SRP19: variants seen among roughly 807,000 people sequenced by gnomAD.
SRP19 encodes signal recognition particle 19.
A neutral mutation model predicts 22.4 loss-of-function variants in SRP19; 11 were observed. The ratio of observed to expected loss-of-function variants is 0.49; its 90% CI spans 0.31 to 0.81. The LOEUF is 0.81. Among genes scored for constraint, SRP19 ranks in the 40% least tolerant of loss-of-function variants. SRP19 has a pLI of 0.05. For synonymous variants in SRP19, 61 were observed against 57.6 expected (o/e 1.06, Z -0.27); for missense variants, 168 against 175.9 (o/e 0.96, Z 0.25).
Position 112,869,050 on chromosome 5 carries a change from G to A in SRP19, c.*1513G>A, listed in dbSNP as rs978132522. ...TTCTTTGAGAAAGTGGGTGTGTTTG[G>A]CTGTGTAACAAAACAATAAGGGGAT... On this transcript the variant is annotated 3_prime_UTR_variant, in exon 5 of 5. Coordinates refer to ENST00000505459, the MANE Select transcript of SRP19 (RefSeq NM_003135.3). 11 of 152,124 alleles carry A rather than the reference G, an allele frequency of 7.2e-5. No homozygotes were observed. The highest frequency in any genetic ancestry group is 2.4e-4 in the African/African-American group (10 of 41,414). The allele number at this position is 152,124 out of a possible 1,614,324, so 9.4% of individuals were successfully genotyped here.
chr5:112,882,607 A>G (rs553525567), intron 4 of SRP19, among the ~76,000 whole-genome samples: 1 of 152,332 alleles, frequency 6.6e-6, no homozygotes, highest in Non-Finnish European at 1.5e-5. Context: ...ACTGCCTGAC[A>G]GTCCATTTAC....
At chr5:112,866,729 G>GT (rs1276100991) in intron 4 of SRP19, among the ~76,000 whole-genome samples, 4 of 152,180 alleles carry the variant, frequency 2.6e-5, no homozygotes, top group Non-Finnish European at 4.4e-5. Flanking sequence ...ATTCTGATAT[G>GT]TTTTTTCTCC....
downstream of SRP19, among the ~76,000 whole-genome samples, chr5:112,873,723 AATTT>A (rs1354402322): frequency 6.6e-6 from 1 of 152,044 alleles, no homozygotes; most frequent in Non-Finnish European, 1.5e-5. Context: ...TCATGGATGT[AATTT>A]ATTTCTCAGA....
chr5:112,863,356 A>C (rs1435070329), intron 2 of SRP19, among the ~76,000 whole-genome samples: 2 of 152,128 alleles, frequency 1.3e-5, no homozygotes, highest in Admixed American at 6.5e-5. Flanking sequence ...ATTGCTCTAT[A>C]ACAGGGTTTG....
In SRP19 at chr5:112,869,710, GATA is replaced by G. The variant is rs1767715312; in HGVS notation, c.*2176_*2178del. On this transcript the variant is annotated 3_prime_UTR_variant, in exon 5 of 5. Coordinates refer to ENST00000505459, the MANE Select transcript of SRP19 (RefSeq NM_003135.3). ...GCAATTTCCCCTGTGCTGTTCTTGA[GATA>G]ATGAGTGACTCTCAGGAGATCTGTT... is the stretch of plus-strand genomic sequence containing the variant. 6.6e-6 allele frequency: 1 copy of G among 152,180 alleles called. No homozygotes were observed. Among genetic ancestry groups the G allele is most frequent in the Admixed American group, 6.5e-5 (1 of 15,270 alleles). 9.4% of individuals were successfully genotyped at this position (152,180 alleles called of 1,614,324 possible). A position where few individuals can be genotyped will look rare whatever the true frequency, so the allele number is the denominator to read the frequency against.
chr5:112,879,584 C>T (rs891241041), intron 4 of SRP19, among the ~76,000 whole-genome samples: 1 of 152,140 alleles, frequency 6.6e-6, no homozygotes, highest in Non-Finnish European at 1.5e-5. Flanking sequence ...TGCCATTCTC[C>T]TGCCTCAGCC....
chr5:112,892,064 A>T, exon 5 of SRP19: 3 of 1,570,608 alleles, frequency 1.9e-6, no homozygotes. Flanking sequence ...GAAGCTGTGC[A>T]GAAGATGCTG....
At chr5:112,866,782 C>A (rs2150027212) in intron 4 of SRP19, among the ~76,000 whole-genome samples, 1 of 152,228 alleles carries the variant, frequency 6.6e-6, no homozygotes, top group South Asian at 2.1e-4. Flanking sequence ...CAAAAACAAA[C>A]AAAAACTTGT....
intron 4 of SRP19, chr5:112,882,132 C>G (rs12152991): frequency 0.066 from 10,095 of 153,610 alleles, 402 homozygotes; most frequent in South Asian, 0.14. Context: ...TGATGATCTT[C>G]TAATATCCTG....
intron 4 of SRP19, among the ~76,000 whole-genome samples, chr5:112,881,101 C>T (rs1768061097): frequency 8.0e-6 from 1 of 125,268 alleles, no homozygotes; most frequent in Non-Finnish European, 1.6e-5. Context: ...TGCACTCCAG[C>T]CTGGGCAACA....
downstream of SRP19, chr5:112,897,705 C>T (rs1768732935): frequency 6.6e-6 from 1 of 152,142 alleles, no homozygotes; most frequent in African/African-American, 2.4e-5. Flanking sequence ...ATCTTATCAG[C>T]TGCTTTAGAA....
downstream of SRP19, chr5:112,897,351 TCACACACACACACACACACACA>T (rs34612314): frequency 1.0e-5 from 1 of 97,790 alleles, no homozygotes; most frequent in Non-Finnish European, 2.1e-5. Context: ...ACACATCCCA[TCACACACACACACACACACACA>T]CACACACACA....
downstream of SRP19, among the ~76,000 whole-genome samples, chr5:112,873,345 CTTTTT>C (rs71626678): frequency 1.7e-5 from 1 of 58,998 alleles, no homozygotes; most frequent in Non-Finnish European, 2.9e-5. Context: ...CTTTCCTATT[CTTTTT>C]TTTTTTTTTT....
chr5:112,876,302 AT>A (rs776801052), intron 4 of SRP19: 1 of 152,242 alleles, frequency 6.6e-6, no homozygotes, highest in Non-Finnish European at 1.5e-5. Flanking sequence ...TTCATGGCTC[AT>A]TTATCTGTAT....
chr5:112,883,908 CCCAATCCATAA>C (rs1768151472), intron 4 of SRP19, among the ~76,000 whole-genome samples: 3 of 152,116 alleles, frequency 2.0e-5, no homozygotes, highest in African/African-American at 7.2e-5. Flanking sequence ...CTGACCCATG[CCCAATCCATAA>C]GCCAATCCAT....
Position 112,868,039 on chromosome 5 carries a change from G to T in SRP19, c.*502G>T. On this transcript the variant is annotated 3_prime_UTR_variant, in exon 5 of 5. Coordinates refer to ENST00000505459, the MANE Select transcript of SRP19 (RefSeq NM_003135.3). ...GTGGTAGGTCCTTTTGTGGGTGGGGGACAGGGGAGTCTGTAAAAAGCCAGT... is the reference window on the plus strand; with the variant it reads ...GTGGTAGGTCCTTTTGTGGGTGGGGTACAGGGGAGTCTGTAAAAAGCCAGT... 1.0e-6 allele frequency: 1 copy of T among 985,764 alleles called. No individual in the cohort carries two copies. The highest frequency in any genetic ancestry group is 1.7e-5 in the African/African-American group (1 of 57,320). 61.1% of individuals were successfully genotyped at this position (985,764 alleles called of 1,614,324 possible).
At chr5:112,888,733 G>A (rs1768340758) in intron 4 of SRP19, among the ~76,000 whole-genome samples, 1 of 150,932 alleles carries the variant, frequency 6.6e-6, no homozygotes, top group Non-Finnish European at 1.5e-5. Flanking sequence ...TTTTAAGACA[G>A]AGACTTGCTA....
chr5:112,886,523 G>C (rs1025769043), intron 4 of SRP19, among the ~76,000 whole-genome samples: 2 of 152,130 alleles, frequency 1.3e-5, no homozygotes, highest in African/African-American at 2.4e-5. Flanking sequence ...ACATACCTGA[G>C]GGGGCTCTTT....
downstream of SRP19, chr5:112,896,245 C>T (rs1768677188): frequency 6.5e-6 from 1 of 152,676 alleles, no homozygotes; most frequent in Non-Finnish European, 1.5e-5. Flanking sequence ...TGTTGCGAGG[C>T]ACAGTGGCTT....
Sources: allele counts gnomAD v4.1 joint callset (sites outside exome capture counted in the v4.1 genomes callset), GRCh38; gene constraint gnomAD v4.1.1; transcripts MANE v1.5; gene names NCBI Gene and HGNC (gene_info 2026-07-23, HGNC 2026-07-21).